The following EPB41L1 variants were observed in gnomAD, a reference collection of about 807,000 sequenced individuals.
The protein encoded by EPB41L1 is erythrocyte membrane protein band 4.1 like 1.
A neutral mutation model predicts 97.8 loss-of-function variants in EPB41L1; 29 were observed. The ratio of observed to expected loss-of-function variants is 0.30; its 90% CI spans 0.22 to 0.40. EPB41L1 has a LOEUF of 0.40. Among genes scored for constraint, EPB41L1 ranks in the 10% least tolerant of loss-of-function variants. The probability of loss-of-function intolerance (pLI) is 1.00; values close to 1 mark genes in which losing one functional copy is unlikely to be tolerated. For missense variants in EPB41L1, 812 were observed against 1,162.3 expected, an observed-to-expected ratio of 0.70 and a Z score of 4.38; for synonymous variants, 383 against 459.2, an observed-to-expected ratio of 0.83 and a Z score of 2.12.
intron 6 of EPB41L1, among the ~76,000 whole-genome samples, chr20:36,183,625 C>T (rs550011627): frequency 1.3e-5 from 2 of 152,252 alleles, no homozygotes; most frequent in East Asian, 3.9e-4. Context: ...CACAGATGGC[C>T]CCAGGAGATG....
At chr20:36,214,329 C>T in intron 16 of EPB41L1, 28 bp from the exon 17 acceptor site, 1 of 1,601,756 alleles carries the variant, frequency 6.2e-7, no homozygotes, top group Non-Finnish European at 8.6e-7. Flanking sequence ...CAGCTCTCCC[C>T]AGCTCTAACG....
chr20:36,110,155 G>A lies in EPB41L1; in HGVS notation c.-64-2271G>A, dbSNP rs920345302. Among the ~76,000 whole-genome samples, 155 of 152,216 alleles carry A rather than the reference G, an allele frequency of 1.0e-3. 1 individual carries two copies. The highest frequency in any genetic ancestry group is 3.5e-3 in the African/African-American group (147 of 41,544). On this transcript the variant is annotated intron_variant, in intron 1 of 19. Transcript: ENST00000202028. ...GGGGTTTCTCCATGTTGGTCAGGCTGGTCTCGAACTCCCCACCTCAGGTGA... is the reference window on the plus strand; with the variant it reads ...GGGGTTTCTCCATGTTGGTCAGGCTAGTCTCGAACTCCCCACCTCAGGTGA...
chr20:36,190,917 A>T lies in EPB41L1; in HGVS notation c.1300+120A>T. 7.2e-7 allele frequency: 1 copy of T among 1,393,722 alleles called. No homozygotes were observed. The highest frequency in any genetic ancestry group is 1.4e-5 in the African/African-American group (1 of 70,384). 86.3% of individuals were successfully genotyped at this position (1,393,722 alleles called of 1,614,324 possible). ...GTAGATGCATCCCAAGTTCATCTGC[A>T]CCAGGCTGGCCCCTCAAGACCAGTG... is the stretch of plus-strand genomic sequence containing the variant. On this transcript the variant is annotated intron_variant, in intron 11 of 21. Coordinates refer to ENST00000338074, the MANE Select transcript of EPB41L1 (RefSeq NM_012156.2). This position sits in a 1 kb window ranked among gnomAD's most constrained non-coding sequence, Gnocchi z 5.8.
intron 2 of EPB41L1, among the ~76,000 whole-genome samples, chr20:36,112,646 G>T (rs1302290321): frequency 6.6e-6 from 1 of 152,222 alleles, no homozygotes; most frequent in Non-Finnish European, 1.5e-5. Flanking sequence ...GGGCCATGCT[G>T]GGGACCCTCC....
At chr20:36,153,415 G>GGGGC (rs1456097309), upstream of EPB41L1, among the ~76,000 whole-genome samples, 2 of 152,140 alleles carry the variant, frequency 1.3e-5, no homozygotes, top group Admixed American at 1.3e-4. Flanking sequence ...TTCCCAGCTT[G>GGGGC]GGGCCTCTGT....
At chr20:36,148,524 G>A (rs938966612) in intron 2 of EPB41L1, among the ~76,000 whole-genome samples, 1 of 152,230 alleles carries the variant, frequency 6.6e-6, no homozygotes, top group Non-Finnish European at 1.5e-5. Context: ...AGAGCCAGGT[G>A]AGACCAGGCT....
chr20:36,193,857 C>T (rs1482616795), intron 11 of EPB41L1, among the ~76,000 whole-genome samples: 2 of 152,218 alleles, frequency 1.3e-5, no homozygotes, highest in Non-Finnish European at 2.9e-5. Flanking sequence ...TATACATTAG[C>T]TTGTTCATTC....
chr20:36,122,467 T>A (rs1358864148), intron 2 of EPB41L1, among the ~76,000 whole-genome samples: 1 of 152,176 alleles, frequency 6.6e-6, no homozygotes, highest in South Asian at 2.1e-4. Flanking sequence ...TGGTTCTTGG[T>A]GTCTACCGCC....
chr20:36,201,831 G>A (rs1408042277), intron 14 of EPB41L1, among the ~76,000 whole-genome samples: 3 of 152,132 alleles, frequency 2.0e-5, no homozygotes, highest in East Asian at 3.9e-4. Context: ...GCTACTGAGC[G>A]ATCATCTGGG....
chr20:36,201,258 C>G (rs995789585), intron 14 of EPB41L1, among the ~76,000 whole-genome samples: 1 of 152,134 alleles, frequency 6.6e-6, no homozygotes, highest in Admixed American at 6.5e-5. Flanking sequence ...CCTTTGGCCT[C>G]GAAGGAGAGG....
In EPB41L1 at chr20:36,175,628, A is replaced by G. The variant is rs1434044171; in HGVS notation, c.255A>G (p.Lys85=). The change falls in exon 3 of 22, where the codon AAA becomes AAG. Residue 85 remains lysine (K), a synonymous_variant. Coordinates refer to ENST00000338074, the MANE Select transcript of EPB41L1 (RefSeq NM_012156.2). The stretch of plus-strand genomic sequence containing the variant: ...GGACCACGCCCAGCAAGGCCCAGAA[A>G]TCGCCCCAGAAGATTGCCAAGAAAT... ...SERTTPSKAQ[K]SPQKIAKKYK... 6.2e-7 allele frequency: 1 copy of G among 1,614,048 alleles called. No homozygotes were observed. Among genetic ancestry groups the G allele is most frequent in the African/African-American group, 1.3e-5 (1 of 74,920 alleles).
intron 12 of EPB41L1, 99 bp downstream of exon 12, chr20:36,194,459 C>G (rs1015682394): frequency 1.4e-6 from 2 of 1,448,656 alleles, no homozygotes; most frequent in African/African-American, 2.8e-5. Context: ...CAGCTGTGGC[C>G]AAGCACCCTT....
At chr20:36,120,932 TG>T (rs1379743869) in intron 2 of EPB41L1, among the ~76,000 whole-genome samples, 1 of 152,096 alleles carries the variant, frequency 6.6e-6, no homozygotes, top group Admixed American at 6.5e-5. Context: ...CCTTCACGAA[TG>T]GGATTAATGT....
At chr20:36,130,034 C>A (rs1448259557) in intron 2 of EPB41L1, among the ~76,000 whole-genome samples, 1 of 151,800 alleles carries the variant, frequency 6.6e-6, no homozygotes, top group East Asian at 1.9e-4. Flanking sequence ...CTCCGCCCCC[C>A]AGGTTCAAGT....
At chr20:36,175,485 T>C (rs1484331255) in intron 2 of EPB41L1, 66 bp from the exon 3 acceptor site, 2 of 1,597,166 alleles carry the variant, frequency 1.3e-6, no homozygotes, top group Non-Finnish European at 1.7e-6. Flanking sequence ...ATATTGCTTC[T>C]TACTTATATG....
At chr20:36,219,677 C>A in intron 18 of EPB41L1, 84 bp from the exon 19 acceptor site, 1 of 1,137,918 alleles carries the variant, frequency 8.8e-7, no homozygotes, top group Non-Finnish European at 1.3e-6. Flanking sequence ...CTTCACAGAG[C>A]CCTTTACCCC....
rs535325832 is a variant in EPB41L1, at chr20:36,138,548, C to T, written c.-10+26068C>T. On this transcript the variant is annotated intron_variant, in intron 2 of 19. Transcript: ENST00000202028. ...AAGTGCTGGGATCACAGGCATGAGCCACCACATCCAGCCAGCACATTTTTT... is the reference window on the plus strand; with the variant it reads ...AAGTGCTGGGATCACAGGCATGAGCTACCACATCCAGCCAGCACATTTTTT... Among the ~76,000 whole-genome samples the T allele has an allele frequency of 3.7e-4, 56 of 152,330 alleles. 1 individual carries two copies. The South Asian group carries it at 0.011, about 29-fold the overall frequency.
chr20:36,141,981 C>A (rs543836056), intron 2 of EPB41L1, among the ~76,000 whole-genome samples: 1 of 150,856 alleles, frequency 6.6e-6, no homozygotes, highest in African/African-American at 2.5e-5. Context: ...GGTGGCGGGG[C>A]ACCTGTAATC....
At chr20:36,154,687 C>A, upstream of EPB41L1, 9 of 981,404 alleles carry the variant, frequency 9.2e-6, no homozygotes, top group Non-Finnish European at 1.1e-5. This position sits in a 1 kb window ranked among gnomAD's most constrained non-coding sequence, Gnocchi z 5.5. Flanking sequence ...GCTGTGGGCA[C>A]CGTGCCCAGC....
Sources: gnomAD v4.1 joint callset for allele counts (sites outside exome capture counted in the v4.1 genomes callset) on GRCh38, gnomAD v4.1.1 for gene constraint, Gnocchi (gnomAD v3.1) non-coding constraint, MANE v1.5 for transcripts, NCBI Gene and HGNC (gene_info 2026-07-23, HGNC 2026-07-21) for gene names.